Variants in CLSTN1 observed in about 807,000 individuals in gnomAD.
The protein encoded by CLSTN1 is calsyntenin 1.
Under a neutral mutation model 108.3 loss-of-function variants are expected in CLSTN1, and 28 were observed. The ratio of observed to expected loss-of-function variants is 0.26; its 90% CI spans 0.19 to 0.35. The LOEUF is 0.35. Ranked by LOEUF, CLSTN1 falls within the 10% of genes least tolerant of loss-of-function variation. The pLI, the probability that CLSTN1 is intolerant of heterozygous loss-of-function variation, is 1.00. For synonymous variants in CLSTN1, 524 were observed against 534.9 expected (o/e 0.98, Z 0.28); for missense variants, 1,157 against 1,302.6 (o/e 0.89, Z 1.72).
chr1:9,746,675 T>C (rs187976826), intron 7 of CLSTN1, among the ~76,000 whole-genome samples: 70 of 151,834 alleles, frequency 4.6e-4, no homozygotes, highest in Non-Finnish European at 8.5e-4. Context: ...GATAGCACGA[T>C]TGCATTCCAG....
intron 1 of CLSTN1, among the ~76,000 whole-genome samples, chr1:9,799,542 G>A (rs1359452876): frequency 6.6e-6 from 1 of 151,812 alleles, no homozygotes; most frequent in African/African-American, 2.4e-5. Flanking sequence ...TTGGGAGGCT[G>A]AGGCAGGAGA....
At chr1:9,754,188 G>T (rs1285364878) in intron 4 of CLSTN1, among the ~76,000 whole-genome samples, 2 of 151,998 alleles carry the variant, frequency 1.3e-5, no homozygotes, top group African/African-American at 4.8e-5. Flanking sequence ...GGGAGAAGCA[G>T]ACTTTTTCAA....
chr1:9,749,422 C>T, intron 7 of CLSTN1, 39 bp downstream of exon 7: 1 of 1,572,784 alleles, frequency 6.4e-7, no homozygotes, highest in Non-Finnish European at 8.6e-7. Flanking sequence ...CCCACCTTCA[C>T]CAAAGCCAGC....
chr1:9,747,176 C>CA (rs70998306), intron 7 of CLSTN1, among the ~76,000 whole-genome samples: 2,628 of 32,590 alleles, frequency 0.081, 486 homozygotes, highest in Non-Finnish European at 0.12. Flanking sequence ...GAGACTGTCT[C>CA]AAAAAAAAAA....
chr1:9,796,125 G>C (rs999049859), intron 1 of CLSTN1, among the ~76,000 whole-genome samples: 1 of 150,856 alleles, frequency 6.6e-6, no homozygotes, highest in Non-Finnish European at 1.5e-5. Context: ...AGCTGGGCGT[G>C]GTGGTGGGCG....
intron 2 of CLSTN1, among the ~76,000 whole-genome samples, chr1:9,772,670 T>C (rs888463068): frequency 6.6e-6 from 1 of 152,200 alleles, no homozygotes; most frequent in Non-Finnish European, 1.5e-5. Context: ...TATTACAGTA[T>C]GAAAATCTCC....
At chr1:9,781,063 C>A in intron 1 of CLSTN1, 1 of 643,860 alleles carries the variant, frequency 1.6e-6, no homozygotes, top group Non-Finnish European at 2.8e-6. Flanking sequence ...CCAACCTGTA[C>A]TAATCACACA....
chr1:9,742,567 G>C (rs1364954526), intron 9 of CLSTN1, among the ~76,000 whole-genome samples: 1 of 152,124 alleles, frequency 6.6e-6, no homozygotes, highest in Admixed American at 6.6e-5. Context: ...CAGAACTGTA[G>C]CTAAAATGTC....
At chr1:9,781,071 A>T (rs913558286) in intron 1 of CLSTN1, 1 of 659,532 alleles carries the variant, frequency 1.5e-6, no homozygotes, top group Admixed American at 2.5e-5. Context: ...TACTAATCAC[A>T]CATTCTGCTT....
At chr1:9,781,217 G>A in intron 1 of CLSTN1, 1 of 770,484 alleles carries the variant, frequency 1.3e-6, no homozygotes, top group Non-Finnish European at 2.3e-6. Flanking sequence ...AGCACTAAAG[G>A]CTGCTGAAAA....
intron 1 of CLSTN1, among the ~76,000 whole-genome samples, chr1:9,822,960 C>G (rs915251038): frequency 2.0e-5 from 3 of 152,130 alleles, no homozygotes; most frequent in African/African-American, 7.2e-5. Flanking sequence ...AGCCCGCGGT[C>G]GCAAATCTCA....
intron 2 of CLSTN1, among the ~76,000 whole-genome samples, chr1:9,772,639 A>C (rs1451941564): frequency 6.6e-6 from 1 of 152,210 alleles, no homozygotes; most frequent in Non-Finnish European, 1.5e-5. Flanking sequence ...AATGCTATTA[A>C]GTGTTAGCAA....
At chr1:9,802,378 T>G (rs1449182904) in intron 1 of CLSTN1, among the ~76,000 whole-genome samples, 1 of 152,152 alleles carries the variant, frequency 6.6e-6, no homozygotes, top group African/African-American at 2.4e-5. Context: ...GCCAGACCAT[T>G]TCTAAAGCTC....
intron 1 of CLSTN1, among the ~76,000 whole-genome samples, chr1:9,802,165 A>G (rs1045875843): frequency 6.6e-6 from 1 of 152,202 alleles, no homozygotes; most frequent in African/African-American, 2.4e-5. Flanking sequence ...TCAACAGTTT[A>G]GTTCAGAGTT....
chr1:9,783,457 C>T (rs940225906), intron 1 of CLSTN1, among the ~76,000 whole-genome samples: 20 of 152,216 alleles, frequency 1.3e-4, no homozygotes, highest in Admixed American at 3.9e-4. Context: ...CAGTGGCTCA[C>T]GCCTGTAATC....
rs777363968 is a variant in CLSTN1, at chr1:9,737,560, GA to G, written c.1520-7del. The G allele has an allele frequency of 1.9e-6, 3 of 1,613,700 alleles. No homozygotes were observed. The South Asian group carries it at 3.3e-5, about 18-fold the overall frequency. ...ATTTTCAACTCCTGAAAACTCTGTG[GA>G]AAAGCAAGACAAAGACAATAGAAAA... is the stretch of plus-strand genomic sequence containing the variant. On this transcript the variant is annotated splice_polypyrimidine_tract_variant and splice_region_variant and intron_variant, in intron 10 of 18. Transcript: ENST00000377298.
At chr1:9,750,637 AG>A (rs1302243066) in intron 5 of CLSTN1, among the ~76,000 whole-genome samples, 2 of 149,460 alleles carry the variant, frequency 1.3e-5, no homozygotes, top group Non-Finnish European at 3.0e-5. Flanking sequence ...CCGTGAGCCC[AG>A]GAGTTCGAGG....
upstream of CLSTN1, chr1:9,824,214 C>A (rs1305475080): frequency 2.0e-5 from 3 of 149,624 alleles, no homozygotes; most frequent in African/African-American, 7.3e-5. This position sits in a 1 kb window ranked among gnomAD's most constrained non-coding sequence, Gnocchi z 5.0. Flanking sequence ...GGGTGGGTTC[C>A]GAGCGGCCGG....
At chr1:9,786,468 C>A (rs191489700) in intron 1 of CLSTN1, among the ~76,000 whole-genome samples, 1 of 151,986 alleles carries the variant, frequency 6.6e-6, no homozygotes, top group Non-Finnish European at 1.5e-5. Flanking sequence ...ATGGCGAAAC[C>A]CCGTCTCTAC....
Sources: allele counts gnomAD v4.1 joint callset (sites outside exome capture counted in the v4.1 genomes callset), GRCh38; gene constraint gnomAD v4.1.1; non-coding constraint Gnocchi (gnomAD v3.1); transcripts MANE v1.5; gene names NCBI Gene and HGNC (gene_info 2026-07-23, HGNC 2026-07-21).